Variants in ALG12 observed in about 807,000 individuals in gnomAD.
ALG12 encodes the protein dol-P-Man:Man(7)GlcNAc(2)-PP-Dol alpha-1,6-mannosyltransferase.
A neutral mutation model predicts 46.0 loss-of-function variants in ALG12; 36 were observed. The observed-to-expected ratio is 0.78, with a 90% confidence interval of 0.60 to 1.03. The LOEUF (loss-of-function observed/expected upper bound fraction) is 1.03, where lower values mean the gene tolerates loss of function less well. Among genes scored for constraint, ALG12 ranks in the 50% least tolerant of loss-of-function variants. ALG12 has a pLI of 0.00. For missense variants in ALG12, 599 were observed against 633.5 expected (o/e 0.95, Z 0.58); for synonymous variants, 326 against 291.6 (o/e 1.12, Z -1.20).
chr22:49,886,915 G>A, the ALG12 span: 2 of 1,614,146 alleles, frequency 1.2e-6, no homozygotes, highest in Admixed American at 1.7e-5. The surrounding 1 kb of genome is among the most constrained non-coding windows in gnomAD (Gnocchi z 7.7). Context: ...TGAAGCCATG[G>A]TGCTTGCGTA....
the ALG12 span, among the ~76,000 whole-genome samples, chr22:49,874,142 C>G: frequency 6.6e-6 from 1 of 152,184 alleles, no homozygotes; most frequent in Non-Finnish European, 1.5e-5. Context: ...CGCCTCCTGC[C>G]TGGGCAGACT....
the ALG12 span, chr22:49,885,123 G>T: frequency 6.2e-7 from 1 of 1,614,238 alleles, no homozygotes; most frequent in South Asian, 1.1e-5. Flanking sequence ...TCAGCCGGGG[G>T]AAGAAGGGTG....
chr22:49,905,343 G>A lies in ALG12; in HGVS notation c.993-837C>T, dbSNP rs2060536927. ...TTCCAAACCCACCAGGCTCCTCGGA[G>A]CCCTCTTCTCCACAGGCCCTGCCCT... On this transcript the variant is annotated intron_variant, in intron 7 of 9. Coordinates refer to ENST00000330817, the MANE Select transcript of ALG12 (RefSeq NM_024105.4). The surrounding 1 kb of genome is among the most constrained non-coding windows in gnomAD (Gnocchi z 4.9). 6.6e-6 allele frequency among the ~76,000 whole-genome samples: 1 copy of A among 152,178 alleles called. No homozygotes were observed. The highest frequency in any genetic ancestry group is 1.5e-5 in the Non-Finnish European group (1 of 68,034).
chr22:49,892,449 C>T, the ALG12 span, among the ~76,000 whole-genome samples: 1 of 152,204 alleles, frequency 6.6e-6, no homozygotes, highest in East Asian at 1.9e-4. Context: ...TGCCAGGAGC[C>T]TCAGAGAAGT....
intron 5 of ALG12, 92 bp from the exon 6 acceptor site, chr22:49,909,439 A>G (rs1182887283): frequency 1.8e-5 from 23 of 1,302,036 alleles, no homozygotes; most frequent in East Asian, 2.4e-5. Context: ...AGAAACTACA[A>G]GCTGCTTTCA....
At chr22:49,862,785 T>G in the ALG12 span, among the ~76,000 whole-genome samples, 1 of 138,610 alleles carries the variant, frequency 7.2e-6, no homozygotes, top group Non-Finnish European at 1.5e-5. Flanking sequence ...CACTGCAACC[T>G]CTGCCTCTTG....
At chr22:49,896,813 T>TA (rs535387046), downstream of ALG12, among the ~76,000 whole-genome samples, 2 of 114,936 alleles carry the variant, frequency 1.7e-5, no homozygotes, top group East Asian at 2.1e-4. Flanking sequence ...TTTTTGTATA[T>TA]TTTTTTTTAG....
the ALG12 span, among the ~76,000 whole-genome samples, chr22:49,876,741 C>G: frequency 6.6e-6 from 1 of 152,090 alleles, no homozygotes. Context: ...ATGATGACTT[C>G]TGCATTGCTC....
At chr22:49,875,531 C>T in the ALG12 span, among the ~76,000 whole-genome samples, 1 of 151,864 alleles carries the variant, frequency 6.6e-6, no homozygotes, top group Non-Finnish European at 1.5e-5. Flanking sequence ...AGGGATTCTC[C>T]TGCCTCAGCC....
the ALG12 span, chr22:49,886,741 C>T: frequency 6.2e-7 from 1 of 1,613,128 alleles, no homozygotes; most frequent in Non-Finnish European, 8.5e-7. The surrounding 1 kb of genome is among the most constrained non-coding windows in gnomAD (Gnocchi z 7.7). Flanking sequence ...GCAGTACAAA[C>T]AGGATTTAAT....
chr22:49,883,996 A>G, the ALG12 span: 7 of 1,612,712 alleles, frequency 4.3e-6, no homozygotes, highest in South Asian at 6.6e-5. Context: ...CAGCCGGAAC[A>G]TGAGCTCCAG....
the ALG12 span, chr22:49,883,593 G>A: frequency 7.1e-7 from 1 of 1,417,586 alleles, no homozygotes; most frequent in African/African-American, 2.5e-5. Flanking sequence ...TCTACATTCG[G>A]GGGCACAAAT....
At chr22:49,899,665 T>C (rs1304813498), downstream of ALG12, among the ~76,000 whole-genome samples, 1 of 152,026 alleles carries the variant, frequency 6.6e-6, no homozygotes, top group African/African-American at 2.4e-5. Flanking sequence ...GAATTCACCC[T>C]GAAGACACAC....
chr22:49,875,849 CTTCTCCATTTTTTT>C, the ALG12 span, among the ~76,000 whole-genome samples: 1 of 151,956 alleles, frequency 6.6e-6, no homozygotes, highest in African/African-American at 2.4e-5. Context: ...TAAATTCTGT[CTTCTCCATTTTTTT>C]CTCTAATCAA....
rs769714372 is a variant in ALG12 at position 49,907,858 on chromosome 22, G to C, written c.855C>G (p.Asp285Glu). 2 of 1,613,888 alleles carry C rather than the reference G, an allele frequency of 1.2e-6. No homozygotes were observed. The highest frequency in any genetic ancestry group is 1.7e-6 in the Non-Finnish European group (2 of 1,180,028). The stretch of plus-strand genomic sequence containing the variant: ...GCACCGTCGGCGCGTGCGTCCTTCT[G>C]TCTACCAAGCCCAGGGGGATGAAGA... ...SLLFIPLGLV[D>E]RRTHAPTVLA... The change falls in exon 7 of 10, where the codon GAC becomes GAG. Residue 285 changes from aspartate (D) to glutamate (E), a missense_variant. By Grantham distance (45) the Asp-to-Glu change is conservative. Coordinates refer to ENST00000330817, the MANE Select transcript of ALG12 (RefSeq NM_024105.4).
the ALG12 span, among the ~76,000 whole-genome samples, chr22:49,871,901 A>G: frequency 2.0e-5 from 3 of 151,964 alleles, no homozygotes; most frequent in Non-Finnish European, 2.9e-5. Flanking sequence ...GCACACCAAC[A>G]TGCCCAGCTA....
At chr22:49,869,393 C>G in the ALG12 span, among the ~76,000 whole-genome samples, 1 of 152,216 alleles carries the variant, frequency 6.6e-6, no homozygotes, top group African/African-American at 2.4e-5. Context: ...CGCTCGTCCT[C>G]CAGACCAGAT....
At chr22:49,885,118 C>T in the ALG12 span, 68 of 1,614,120 alleles carry the variant, frequency 4.2e-5, no homozygotes, top group East Asian at 1.1e-4. Context: ...TGCCATCAGC[C>T]GGGGGAAGAA....
rs2060519654 is a variant in ALG12 at position 49,902,704 on chromosome 22, G to A, written c.*1134C>T. The A allele has an allele frequency of 8.2e-6, 1 of 122,456 alleles. No homozygotes were observed. The highest frequency in any genetic ancestry group is 2.8e-4 in the East Asian group (1 of 3,616). 7.6% of individuals were successfully genotyped at this position (122,456 alleles called of 1,614,324 possible). On this transcript the variant is annotated 3_prime_UTR_variant, in exon 10 of 10. Transcript: ENST00000330817. ...TGTGCACTGTGTATGCATAGTGTGT[G>A]CACGTGTGCACTGTGTGTGGATGCA... is the stretch of plus-strand genomic sequence containing the variant.
Sources: gnomAD v4.1 joint callset for allele counts (sites outside exome capture counted in the v4.1 genomes callset) on GRCh38, gnomAD v4.1.1 for gene constraint, Gnocchi (gnomAD v3.1) non-coding constraint, MANE v1.5 for transcripts, NCBI Gene and HGNC (gene_info 2026-07-23, HGNC 2026-07-21) for gene names.